SUSD1: variants seen among roughly 807,000 people sequenced by gnomAD.
SUSD1 encodes sushi domain containing 1, also known as sushi domain-containing protein 1.
Under a neutral mutation model 86.9 loss-of-function variants are expected in SUSD1, and 65 were observed. The ratio of observed to expected loss-of-function variants is 0.75; its 90% CI spans 0.61 to 0.92. The LOEUF is 0.92. Among genes scored for constraint, SUSD1 ranks in the 40% least tolerant of loss-of-function variants. The pLI, the probability that SUSD1 is intolerant of heterozygous loss-of-function variation, is 0.00. For missense variants in SUSD1, 850 were observed against 929.7 expected (o/e 0.91, Z 1.11); for synonymous variants, 346 against 350.0 (o/e 0.99, Z 0.13).
chr9:112,069,410 G>A (rs1829150473), intron 12 of SUSD1, among the ~76,000 whole-genome samples: 1 of 147,792 alleles, frequency 6.8e-6, no homozygotes, highest in Admixed American at 6.6e-5. Flanking sequence ...AGTCCAGAGA[G>A]AGATTCTGTA....
At chr9:112,148,405 C>T (rs1258239899) in intron 3 of SUSD1, among the ~76,000 whole-genome samples, 1 of 152,154 alleles carries the variant, frequency 6.6e-6, no homozygotes, top group Non-Finnish European at 1.5e-5. Flanking sequence ...ACTCGCACTC[C>T]TCACTCAGCG....
At chr9:112,160,826 A>T (rs1833532924) in intron 1 of SUSD1, among the ~76,000 whole-genome samples, 1 of 152,206 alleles carries the variant, frequency 6.6e-6, no homozygotes, top group Admixed American at 6.5e-5. Context: ...AAGTTCAAGG[A>T]ACTGGTTGAA....
At chr9:112,079,323 C>A (rs548214341) in intron 11 of SUSD1, among the ~76,000 whole-genome samples, 1 of 152,196 alleles carries the variant, frequency 6.6e-6, no homozygotes, top group Non-Finnish European at 1.5e-5. Flanking sequence ...TATTCTCACA[C>A]ATACAGTGCA....
rs1832610989 is a variant in SUSD1, at chr9:112,142,321, T to G, written c.705A>C (p.Gln235His). 3 of 1,569,972 alleles carry G rather than the reference T, an allele frequency of 1.9e-6. No individual in the cohort carries two copies. Among genetic ancestry groups the G allele is most frequent in the Non-Finnish European group, 1.7e-6 (2 of 1,159,654 alleles). The change falls in exon 5 of 17, where the codon CAA becomes CAC. Residue 235 changes from glutamine to histidine, a missense_variant and splice_region_variant. By Grantham distance (24) the Gln-to-His change is conservative (BLOSUM62 0). Coordinates refer to ENST00000374270, the MANE Select transcript of SUSD1 (RefSeq NM_022486.5). ...GTWESPKLHC[Q>H]EINCGNPPEM... ...AACCTGTATTTTTTGAAAACTCACC[T>G]TGGCAATGTAATTTTGGGGACTCCC... is the stretch of plus-strand genomic sequence containing the variant.
At chr9:112,152,569 A>ATT (rs57257840) in intron 2 of SUSD1, among the ~76,000 whole-genome samples, 2 of 122,646 alleles carry the variant, frequency 1.6e-5, no homozygotes, top group Non-Finnish European at 1.7e-5. Context: ...TGCCTGGATA[A>ATT]TTTTTTTTTT....
chr9:112,175,026 C>A lies in SUSD1; in HGVS notation c.103+107G>T. Reference sequence around the variant, plus strand: ...CCCACCTGCGCCCCACGCCTCGGCACCGCGCCGGCCCGGCCCAGGGGCGGG... The same window carrying A: ...CCCACCTGCGCCCCACGCCTCGGCAACGCGCCGGCCCGGCCCAGGGGCGGG... On this transcript the variant is annotated intron_variant, in intron 1 of 16. Coordinates refer to ENST00000374270, the MANE Select transcript of SUSD1 (RefSeq NM_022486.5). The surrounding 1 kb of genome is among the most constrained non-coding windows in gnomAD (Gnocchi z 4.7). The A allele has an allele frequency of 1.1e-6, 1 of 896,354 alleles. No homozygotes were observed. The highest frequency in any genetic ancestry group is 1.3e-6 in the Non-Finnish European group (1 of 747,586). 55.5% of individuals were successfully genotyped at this position (896,354 alleles called of 1,614,324 possible).
At chr9:112,044,979 T>C (rs1827893750) in intron 15 of SUSD1, among the ~76,000 whole-genome samples, 1 of 152,198 alleles carries the variant, frequency 6.6e-6, no homozygotes, top group African/African-American at 2.4e-5. Context: ...TACGAAAAGG[T>C]AAATCACATG....
At chr9:112,167,788 G>A (rs945974579) in intron 1 of SUSD1, among the ~76,000 whole-genome samples, 6 of 152,168 alleles carry the variant, frequency 3.9e-5, no homozygotes, top group Admixed American at 3.3e-4. Flanking sequence ...TGCTGATAAA[G>A]ACATACCCGA....
At chr9:112,161,600 A>C (rs961313326) in intron 1 of SUSD1, among the ~76,000 whole-genome samples, 1 of 152,006 alleles carries the variant, frequency 6.6e-6, no homozygotes, top group Non-Finnish European at 1.5e-5. Flanking sequence ...AGGTGGGCAG[A>C]TCACCTAAGG....
intron 1 of SUSD1, chr9:112,174,033 C>A: frequency 7.3e-6 from 1 of 137,546 alleles, no homozygotes; most frequent in South Asian, 1.9e-4. Flanking sequence ...CTTTTCTTGT[C>A]ACTCCCTGAG....
chr9:112,137,263 G>GGGA (rs145497301), intron 5 of SUSD1, among the ~76,000 whole-genome samples: 3,442 of 151,722 alleles, frequency 0.023, 76 homozygotes, highest in African/African-American at 0.052. Flanking sequence ...AGTGACACAG[G>GGGA]GGAGGAGGAG....
At chr9:112,098,393 C>T (rs1830486563) in intron 10 of SUSD1, 77 bp downstream of exon 10, 5 of 1,467,512 alleles carry the variant, frequency 3.4e-6, no homozygotes, top group Non-Finnish European at 4.6e-6. Context: ...AACTAGCACT[C>T]TTATGCCCGC....
At chr9:112,083,144 T>A (rs529370829) in intron 10 of SUSD1, among the ~76,000 whole-genome samples, 1 of 152,312 alleles carries the variant, frequency 6.6e-6, no homozygotes. Context: ...AAGATCCATA[T>A]TCATGAGATG....
At chr9:112,156,500 G>A (rs971699631) in intron 2 of SUSD1, among the ~76,000 whole-genome samples, 10 of 151,700 alleles carry the variant, frequency 6.6e-5, no homozygotes, top group Admixed American at 6.6e-5. Context: ...TCGAACTCCT[G>A]GGCTCAAGGC....
chr9:112,089,935 G>A (rs72762064), intron 10 of SUSD1, among the ~76,000 whole-genome samples: 15,358 of 152,044 alleles, frequency 0.1, 975 homozygotes, highest in Non-Finnish European at 0.15. Flanking sequence ...TTTCCAGGCT[G>A]ACAGTTCTGT....
At chr9:112,173,831 C>T (rs1182791401) in intron 1 of SUSD1, 2 of 296,974 alleles carry the variant, frequency 6.7e-6, no homozygotes, top group African/African-American at 4.4e-5. Context: ...TATTGTGCTT[C>T]TTGGCAAACC....
intron 5 of SUSD1, among the ~76,000 whole-genome samples, chr9:112,134,662 T>C (rs1177955923): frequency 6.6e-6 from 1 of 151,916 alleles, no homozygotes; most frequent in East Asian, 1.9e-4. Flanking sequence ...GCTCACTACA[T>C]AGGTGACAGG....
Position 112,112,839 on chromosome 9 carries a change from G to C in SUSD1, c.916C>G (p.Leu306Val), listed in dbSNP as rs770927530. ...CATCTCACACAGGTATCATTAAACA[G>C]TGATACATCATTAATCTTTGTCAGA... The part of the protein sequence containing the change: ...EILTKINDVS[L>V]FNDTCVRWQI... Residue 306 changes from leucine to valine, a missense_variant, in exon 7 of 17, where the codon CTG (leucine) becomes GTG (valine). By Grantham distance (32) the Leu-to-Val change is conservative. Coordinates refer to ENST00000374270, the MANE Select transcript of SUSD1 (RefSeq NM_022486.5). 13 of 1,611,746 alleles carry C rather than the reference G, an allele frequency of 8.1e-6. 1 individual carries two copies. In the South Asian group the frequency reaches 1.4e-4, roughly 18 times the overall value.
At chr9:112,170,712 G>T (rs3962525) in intron 1 of SUSD1, among the ~76,000 whole-genome samples, 6,952 of 67,770 alleles carry the variant, frequency 0.1, 174 homozygotes, top group East Asian at 0.12. Flanking sequence ...TATATATATA[G>T]AGAGAGAGAG....
Sources: gnomAD v4.1 joint callset for allele counts (sites outside exome capture counted in the v4.1 genomes callset) on GRCh38, gnomAD v4.1.1 for gene constraint, Gnocchi (gnomAD v3.1) non-coding constraint, MANE v1.5 for transcripts, NCBI Gene and HGNC (gene_info 2026-07-23, HGNC 2026-07-21) for gene names.